Variants in ANKRD36C observed in about 807,000 individuals in gnomAD.
ANKRD36C encodes ankyrin repeat domain 36C.
A neutral mutation model predicts 276.4 loss-of-function variants in ANKRD36C; 61 were observed. The ratio of observed to expected loss-of-function variants is 0.22; its 90% CI spans 0.18 to 0.27. The LOEUF (loss-of-function observed/expected upper bound fraction) is 0.27, where lower values mean the gene tolerates loss of function less well. ANKRD36C is among the 10% of genes least tolerant of loss of function. ANKRD36C has a pLI of 1.00. For missense variants in ANKRD36C, 1,447 were observed against 2,032.3 expected (o/e 0.71, Z 5.54); for synonymous variants, 483 against 680.1 (o/e 0.71, Z 4.51).
intron 60 of ANKRD36C, among the ~76,000 whole-genome samples, chr2:95,864,698 T>C (rs948712708): frequency 5.3e-4 from 81 of 152,224 alleles, no homozygotes; most frequent in African/African-American, 1.8e-3. Context: ...TAAGCTTTTA[T>C]TGGAACACAG....
At chr2:95,892,077 G>C (rs1573744862) in intron 44 of ANKRD36C, among the ~76,000 whole-genome samples, 1 of 151,498 alleles carries the variant, frequency 6.6e-6, no homozygotes, top group Non-Finnish European at 1.5e-5. Flanking sequence ...TTCAAACATG[G>C]TATGATTTGT....
At chr2:95,975,673 C>T (rs1678795146) in intron 6 of ANKRD36C, among the ~76,000 whole-genome samples, 1 of 152,072 alleles carries the variant, frequency 6.6e-6, no homozygotes, top group Admixed American at 6.6e-5. Flanking sequence ...CCATAAAAAC[C>T]CTAAAAGAAA....
chr2:95,871,613 G>T (rs1161208989), intron 59 of ANKRD36C, among the ~76,000 whole-genome samples: 6 of 151,780 alleles, frequency 4.0e-5, no homozygotes, highest in Non-Finnish European at 5.9e-5. Flanking sequence ...ATTAACTAAT[G>T]AGCAAAATAA....
Position 95,915,960 on chromosome 2 carries a change from A to C in ANKRD36C, c.2449+20T>G, listed in dbSNP as rs371550250. The C allele has an allele frequency of 1.0e-4, 156 of 1,542,994 alleles. 1 individual carries two copies. The East Asian group carries it at 2.7e-3, about 26-fold the overall frequency. On this transcript the variant is annotated intron_variant, in intron 38 of 66. Coordinates refer to ENST00000456556, the Ensembl canonical transcript of ANKRD36C. ...CTTATCTGGACTGAACATGACATTAAATGTGTTTTGCAAAATTACCTGTCC... is the reference window on the plus strand; with the variant it reads ...CTTATCTGGACTGAACATGACATTACATGTGTTTTGCAAAATTACCTGTCC...
chr2:95,991,079 G>T (rs1679128806), intron 1 of ANKRD36C, among the ~76,000 whole-genome samples: 1 of 151,006 alleles, frequency 6.6e-6, no homozygotes, highest in Non-Finnish European at 1.5e-5. Flanking sequence ...AGCCTGCCAG[G>T]AAAGAAAGTC....
At chr2:95,872,694 C>CA (rs1233779999) in intron 59 of ANKRD36C, among the ~76,000 whole-genome samples, 1 of 151,768 alleles carries the variant, frequency 6.6e-6, no homozygotes, top group African/African-American at 2.4e-5. Context: ...AATAGAGACA[C>CA]AAAAAACCCT....
chr2:95,944,665 C>G (rs74491979), exon 19 of ANKRD36C: 2 of 1,366,514 alleles, frequency 1.5e-6, no homozygotes, highest in Non-Finnish European at 1.9e-6. Flanking sequence ...GTTCCATTTT[C>G]TGTTTTGTCA....
chr2:95,865,562 A>C (rs1675667556), intron 60 of ANKRD36C, among the ~76,000 whole-genome samples: 1 of 152,114 alleles, frequency 6.6e-6, no homozygotes. Flanking sequence ...CATATACATG[A>C]TGAGATATCT....
intron 22 of ANKRD36C, among the ~76,000 whole-genome samples, chr2:95,937,828 T>A (rs1677759754): frequency 6.6e-6 from 1 of 152,298 alleles, no homozygotes; most frequent in Admixed American, 6.5e-5. Context: ...ATACTTCTAT[T>A]TAATTTCTTT....
intron 3 of ANKRD36C, among the ~76,000 whole-genome samples, chr2:95,985,286 C>T (rs1679005997): frequency 6.6e-6 from 1 of 152,118 alleles, no homozygotes; most frequent in South Asian, 2.1e-4. Context: ...AAAAGTCAGG[C>T]CAATATTATT....
chr2:95,867,433 G>A lies in ANKRD36C; in HGVS notation c.3682+7C>T. ...TAAAAAGCCTTATATTTATGCATTG[G>A]TCCTACCTTTACACTTCATTTCATG... On this transcript the variant is annotated splice_region_variant and intron_variant, in intron 60 of 66. Coordinates refer to ENST00000456556, the Ensembl canonical transcript of ANKRD36C. 8.0e-7 allele frequency: 1 copy of A among 1,242,668 alleles called. No individual in the cohort carries two copies. Among genetic ancestry groups the A allele is most frequent in the East Asian group, 2.5e-5 (1 of 39,246 alleles). The allele number at this position is 1,242,668 out of a possible 1,614,324, so 77.0% of individuals were successfully genotyped here.
intron 28 of ANKRD36C, among the ~76,000 whole-genome samples, chr2:95,925,960 C>T (rs1052648646): frequency 2.6e-5 from 4 of 151,560 alleles, no homozygotes; most frequent in Non-Finnish European, 5.9e-5. Flanking sequence ...CATTATACTG[C>T]AAGTATTCAT....
At chr2:95,920,046 A>T (rs982148431) in intron 34 of ANKRD36C, 126 bp from the exon 35 acceptor site, 1 of 1,160,220 alleles carries the variant, frequency 8.6e-7, no homozygotes, top group African/African-American at 1.6e-5. Flanking sequence ...GATGTCTTCT[A>T]CTTTGTGTCT....
chr2:95,914,853 T>C (rs906500141), intron 38 of ANKRD36C, among the ~76,000 whole-genome samples: 3 of 151,588 alleles, frequency 2.0e-5, no homozygotes, highest in Non-Finnish European at 3.0e-5. Flanking sequence ...TGTTTGCTGA[T>C]ACCTAGTACA....
chr2:95,907,737 A>C (rs1345698068), intron 42 of ANKRD36C, among the ~76,000 whole-genome samples: 4 of 148,964 alleles, frequency 2.7e-5, no homozygotes, highest in Non-Finnish European at 6.0e-5. Flanking sequence ...TTTATCCAAG[A>C]GGTAGCTCCT....
At chr2:95,949,175 T>C (rs890587960) in intron 16 of ANKRD36C, among the ~76,000 whole-genome samples, 1 of 152,144 alleles carries the variant, frequency 6.6e-6, no homozygotes, top group African/African-American at 2.4e-5. Flanking sequence ...AAACTGCAAA[T>C]GTTTGAAAGC....
At chr2:95,961,374 C>T (rs1304198531) in intron 8 of ANKRD36C, among the ~76,000 whole-genome samples, 1 of 151,904 alleles carries the variant, frequency 6.6e-6, no homozygotes, top group Non-Finnish European at 1.5e-5. Context: ...TATAATAAAC[C>T]ATCAAATTTA....
chr2:95,891,196 C>T (rs1676344246), intron 46 of ANKRD36C, among the ~76,000 whole-genome samples: 1 of 150,680 alleles, frequency 6.6e-6, no homozygotes. Context: ...TTCCACCTTC[C>T]TGCCTCACAA....
chr2:95,909,332 C>CGAAAGTTTCT (rs1329185635), intron 42 of ANKRD36C, among the ~76,000 whole-genome samples: 1 of 73,474 alleles, frequency 1.4e-5, no homozygotes, highest in African/African-American at 5.5e-5. Flanking sequence ...TTTAGCCTTC[C>CGAAAGTTTCT]GAAAGTTTCT....
Sources: gnomAD v4.1 joint callset for allele counts (sites outside exome capture counted in the v4.1 genomes callset) on GRCh38, gnomAD v4.1.1 for gene constraint, MANE v1.5 for transcripts, NCBI Gene and HGNC (gene_info 2026-07-23, HGNC 2026-07-21) for gene names.